Variants in HCN1 observed in about 807,000 individuals in gnomAD.
The protein encoded by HCN1 is potassium/sodium hyperpolarization-activated cyclic nucleotide-gated channel 1.
Under a neutral mutation model 78.9 loss-of-function variants are expected in HCN1, and 13 were observed. The observed-to-expected ratio is 0.16, with a 90% CI of 0.11 to 0.26. HCN1 has a LOEUF of 0.26. Ranked by LOEUF, HCN1 falls within the 10% of genes least tolerant of loss-of-function variation. HCN1 has a pLI of 1.00. For synonymous variants in HCN1, 552 were observed against 455.5 expected, an observed-to-expected ratio of 1.21 and a Z score of -2.70; for missense variants, 810 against 1,154.3, an observed-to-expected ratio of 0.70 and a Z score of 4.32.
intron 4 of HCN1, among the ~76,000 whole-genome samples, chr5:45,379,956 C>T (rs926231317): frequency 4.0e-5 from 6 of 151,840 alleles, no homozygotes; most frequent in East Asian, 1.9e-4. Context: ...GGCATATTTA[C>T]GGTACAGATA....
chr5:45,693,322 T>C (rs981984479), intron 1 of HCN1, among the ~76,000 whole-genome samples: 1 of 152,288 alleles, frequency 6.6e-6, no homozygotes, highest in Non-Finnish European at 1.5e-5. Flanking sequence ...ATTTTTGCAG[T>C]TTGTTTTAGA....
chr5:45,493,795 C>T (rs1453954066), intron 2 of HCN1, among the ~76,000 whole-genome samples: 4 of 146,580 alleles, frequency 2.7e-5, no homozygotes, highest in African/African-American at 5.1e-5. Context: ...GTTCCCCTTC[C>T]TGTGTCCATG....
intron 2 of HCN1, among the ~76,000 whole-genome samples, chr5:45,477,647 T>C (rs1395607620): frequency 6.6e-6 from 1 of 152,070 alleles, no homozygotes; most frequent in Non-Finnish European, 1.5e-5. Flanking sequence ...AAAACAACAA[T>C]AACATTTTAG....
chr5:45,658,964 G>T (rs1745854941), intron 1 of HCN1, among the ~76,000 whole-genome samples: 1 of 147,484 alleles, frequency 6.8e-6, no homozygotes, highest in African/African-American at 2.5e-5. Context: ...AGCTCAAGGA[G>T]GCCTGCCTGC....
At chr5:45,355,483 C>T (rs1746989975) in intron 4 of HCN1, among the ~76,000 whole-genome samples, 1 of 151,954 alleles carries the variant, frequency 6.6e-6, no homozygotes. Context: ...TTCATAATCG[C>T]TGCTATATGC....
intron 1 of HCN1, among the ~76,000 whole-genome samples, chr5:45,660,205 G>A (rs1745899150): frequency 8.2e-6 from 1 of 121,662 alleles, no homozygotes; most frequent in East Asian, 2.4e-4. Flanking sequence ...GCCAAACTAA[G>A]CTTCATAAGT....
At chr5:45,644,651 G>C (rs1400641566) in intron 2 of HCN1, 2 of 152,884 alleles carry the variant, frequency 1.3e-5, no homozygotes, top group Middle Eastern at 3.4e-3. Flanking sequence ...TATAGGCAAG[G>C]CATAACAATA....
intron 2 of HCN1, among the ~76,000 whole-genome samples, chr5:45,628,907 C>T (rs1371543145): frequency 6.6e-6 from 1 of 150,490 alleles, no homozygotes; most frequent in African/African-American, 2.5e-5. Flanking sequence ...AGGAGGAGGT[C>T]ACAGTGAGCT....
chr5:45,597,015 G>C (rs1357143695), intron 2 of HCN1, among the ~76,000 whole-genome samples: 1 of 152,058 alleles, frequency 6.6e-6, no homozygotes, highest in African/African-American at 2.4e-5. Flanking sequence ...CATTCCTTCT[G>C]AAACTATTCC....
chr5:45,382,609 A>G (rs540723477), intron 4 of HCN1, among the ~76,000 whole-genome samples: 28 of 152,268 alleles, frequency 1.8e-4, no homozygotes, highest in Admixed American at 4.6e-4. Flanking sequence ...TTCTACATGA[A>G]GACAGTGGTC....
At chr5:45,632,528 C>G (rs573026595) in intron 2 of HCN1, among the ~76,000 whole-genome samples, 45 of 151,972 alleles carry the variant, frequency 3.0e-4, no homozygotes, top group Admixed American at 5.3e-4. Flanking sequence ...AATTGATTTC[C>G]TAAGAGTACG....
intron 2 of HCN1, among the ~76,000 whole-genome samples, chr5:45,527,947 A>T (rs1159093369): frequency 2.7e-5 from 4 of 148,338 alleles, no homozygotes; most frequent in Non-Finnish European, 6.0e-5. Flanking sequence ...TTTTTTTTTT[A>T]AACCCAAAAA....
At chr5:45,591,004 T>A (rs1489427860) in intron 2 of HCN1, among the ~76,000 whole-genome samples, 1 of 152,010 alleles carries the variant, frequency 6.6e-6, no homozygotes, top group Non-Finnish European at 1.5e-5. Flanking sequence ...GCTAATTTTT[T>A]TTTTTTTTAA....
intron 2 of HCN1, among the ~76,000 whole-genome samples, chr5:45,606,262 G>A (rs78097480): frequency 0.017 from 2,522 of 152,092 alleles, 64 homozygotes; most frequent in African/African-American, 0.057. Flanking sequence ...AACAAAGTGA[G>A]TGTATACAGA....
chr5:45,381,136 A>G (rs1339157093), intron 4 of HCN1, among the ~76,000 whole-genome samples: 1 of 152,170 alleles, frequency 6.6e-6, no homozygotes, highest in Non-Finnish European at 1.5e-5. Context: ...AGCAAGTGCA[A>G]TCATGAAGAA....
chr5:45,413,565 G>A (rs1214966819), intron 3 of HCN1, among the ~76,000 whole-genome samples: 1 of 151,968 alleles, frequency 6.6e-6, no homozygotes, highest in East Asian at 1.9e-4. Flanking sequence ...GCTACACCAT[G>A]CAGGAGCAAA....
intron 2 of HCN1, among the ~76,000 whole-genome samples, chr5:45,629,202 AG>A (rs1745226991): frequency 6.6e-6 from 1 of 151,992 alleles, no homozygotes; most frequent in African/African-American, 2.4e-5. Context: ...AAAAACTGAT[AG>A]AACTGAAAGG....
chr5:45,446,921 C>T (rs373528812), intron 3 of HCN1, among the ~76,000 whole-genome samples: 18 of 152,018 alleles, frequency 1.2e-4, no homozygotes, highest in East Asian at 1.9e-4. Context: ...TGGTACCAGC[C>T]GCTGCAAAAT....
chr5:45,686,689 T>C (rs1398657106), intron 1 of HCN1, among the ~76,000 whole-genome samples: 1 of 152,196 alleles, frequency 6.6e-6, no homozygotes, highest in African/African-American at 2.4e-5. Context: ...CTACAAAATA[T>C]GAAAGTCATC....
Sources: gnomAD v4.1 joint callset for allele counts (sites outside exome capture counted in the v4.1 genomes callset) on GRCh38, gnomAD v4.1.1 for gene constraint, MANE v1.5 for transcripts, NCBI Gene and HGNC (gene_info 2026-07-23, HGNC 2026-07-21) for gene names.